RBMS3: variants seen among roughly 807,000 people sequenced by gnomAD.
RBMS3 encodes RNA-binding motif, single-stranded-interacting protein 3.
A neutral mutation model predicts 66.8 loss-of-function variants in RBMS3; 27 were observed. That is an observed-to-expected ratio of 0.40 (90% CI 0.30 to 0.56). The LOEUF is 0.56. Ranked by LOEUF, RBMS3 falls within the 20% of genes least tolerant of loss-of-function variation. The probability of loss-of-function intolerance (pLI) is 0.40; values close to 1 mark genes in which losing one functional copy is unlikely to be tolerated. For missense variants in RBMS3, 513 were observed against 549.5 expected (o/e 0.93, Z 0.66); for synonymous variants, 188 against 183.0 (o/e 1.03, Z -0.22).
At chr3:29,312,058 T>C (rs998356358) in intron 1 of RBMS3, among the ~76,000 whole-genome samples, 6 of 151,720 alleles carry the variant, frequency 4.0e-5, no homozygotes, top group African/African-American at 1.5e-4. Context: ...ATCTGCATGG[T>C]AGAGAGGCCT....
At chr3:29,524,574 C>T (rs538502706) in intron 3 of RBMS3, among the ~76,000 whole-genome samples, 8 of 151,332 alleles carry the variant, frequency 5.3e-5, no homozygotes, top group Admixed American at 2.6e-4. Flanking sequence ...ATTACAGGTG[C>T]GAACCACTGC....
intron 1 of RBMS3, among the ~76,000 whole-genome samples, chr3:29,301,358 A>G (rs543653346): frequency 6.6e-6 from 1 of 152,140 alleles, no homozygotes; most frequent in South Asian, 2.1e-4. Flanking sequence ...CTTCAACATC[A>G]TGAGGATTGT....
intron 1 of RBMS3, among the ~76,000 whole-genome samples, chr3:29,353,831 A>G (rs181217906): frequency 6.4e-4 from 97 of 152,250 alleles, no homozygotes; most frequent in African/African-American, 2.2e-3. Context: ...TTTAACACAT[A>G]TGCAGTTTCT....
chr3:29,591,357 C>T (rs2047731337), intron 4 of RBMS3, among the ~76,000 whole-genome samples: 1 of 152,086 alleles, frequency 6.6e-6, no homozygotes, highest in South Asian at 2.1e-4. Context: ...GTCTGAATTC[C>T]CGCAATGTAG....
intron 7 of RBMS3, among the ~76,000 whole-genome samples, chr3:29,879,089 C>G (rs1214179000): frequency 3.4e-5 from 5 of 145,212 alleles, no homozygotes; most frequent in Admixed American, 2.7e-4. Flanking sequence ...GCATGAAAGG[C>G]AAAAAAAAAA....
At chr3:29,506,661 G>T (rs1396426567) in intron 3 of RBMS3, among the ~76,000 whole-genome samples, 1 of 151,754 alleles carries the variant, frequency 6.6e-6, no homozygotes, top group African/African-American at 2.4e-5. Flanking sequence ...TATTAGTATC[G>T]GTTCTTCTTT....
At position 29,990,564 on chromosome 3, in the gene RBMS3, A is replaced by G. The variant is rs149405361; in HGVS notation, c.1180-518A>G. On this transcript the variant is annotated intron_variant, in intron 13 of 14. Transcript: ENST00000383767. ...AAAACTTCTTGATGACTTTCAGTTC[A>G]TATACCAGAAAACAAAACAAATCAA... is the stretch of plus-strand genomic sequence containing the variant. Among the ~76,000 whole-genome samples, 108 of 152,212 alleles carry G rather than the reference A, an allele frequency of 7.1e-4. 1 individual carries two copies. Among genetic ancestry groups the G allele is most frequent in the African/African-American group, 2.6e-3 (106 of 41,532 alleles).
intron 3 of RBMS3, among the ~76,000 whole-genome samples, chr3:29,533,813 A>C (rs1042948505): frequency 6.6e-6 from 1 of 152,178 alleles, no homozygotes; most frequent in Non-Finnish European, 1.5e-5. Flanking sequence ...TTTGGAGTTT[A>C]TACTTCACTC....
At chr3:29,526,512 C>T (rs1330508753) in intron 3 of RBMS3, among the ~76,000 whole-genome samples, 16 of 92,698 alleles carry the variant, frequency 1.7e-4, no homozygotes, top group East Asian at 3.3e-4. Context: ...CAGAGCGAGA[C>T]TCCATCTCAA....
At chr3:29,483,695 A>C (rs1462437441) in intron 2 of RBMS3, among the ~76,000 whole-genome samples, 1 of 152,226 alleles carries the variant, frequency 6.6e-6, no homozygotes, top group Non-Finnish European at 1.5e-5. Context: ...GTAGTAATAC[A>C]CTGACGTGAA....
intron 10 of RBMS3, among the ~76,000 whole-genome samples, chr3:29,904,751 G>A (rs2060335584): frequency 6.6e-6 from 1 of 151,934 alleles, no homozygotes; most frequent in Non-Finnish European, 1.5e-5. Context: ...TGTTAATGTG[G>A]TAAATGTCTC....
intron 2 of RBMS3, among the ~76,000 whole-genome samples, chr3:29,465,131 A>G (rs78541133): frequency 0.1 from 15,968 of 152,270 alleles, 1,011 homozygotes; most frequent in Non-Finnish European, 0.14. Flanking sequence ...AGTATCCACA[A>G]TGAACGATGA....
At chr3:29,818,132 T>G (rs2057967847) in intron 6 of RBMS3, among the ~76,000 whole-genome samples, 1 of 152,170 alleles carries the variant, frequency 6.6e-6, no homozygotes, top group Non-Finnish European at 1.5e-5. Flanking sequence ...GACATTGTGT[T>G]GTCTAAATGA....
chr3:29,977,129 T>C (rs111856722), intron 12 of RBMS3, among the ~76,000 whole-genome samples: 1,647 of 152,206 alleles, frequency 0.011, 28 homozygotes, highest in African/African-American at 0.038. Context: ...TGAAAAACTC[T>C]CCTTTCTGAA....
chr3:29,497,137 G>T lies in RBMS3; in HGVS notation c.307+8638G>T, dbSNP rs189362451. ...TGATTCTCCTGCCTTAGCCTCTCAG[G>T]TAGCTGGGACTACAGGCGCATTCTA... On this transcript the variant is annotated intron_variant, in intron 3 of 14. Transcript: ENST00000383767. 4.1e-4 allele frequency among the ~76,000 whole-genome samples: 63 copies of T among 152,098 alleles called. No individual in the cohort carries two copies. In the East Asian group the frequency reaches 0.011, roughly 27 times the overall value.
chr3:29,682,685 C>T (rs1398503135), intron 4 of RBMS3, among the ~76,000 whole-genome samples: 1 of 152,134 alleles, frequency 6.6e-6, no homozygotes, highest in African/African-American at 2.4e-5. Context: ...GCCAGAAGGG[C>T]ACAGAGTACC....
intron 1 of RBMS3, among the ~76,000 whole-genome samples, chr3:29,341,521 A>G (rs1458725755): frequency 6.6e-6 from 1 of 152,070 alleles, no homozygotes; most frequent in African/African-American, 2.4e-5. Flanking sequence ...TTTTTATATT[A>G]AGTAATATAA....
At chr3:29,720,438 G>T (rs894686060) in intron 4 of RBMS3, among the ~76,000 whole-genome samples, 1 of 152,088 alleles carries the variant, frequency 6.6e-6, no homozygotes, top group African/African-American at 2.4e-5. Flanking sequence ...CCCTATGGTA[G>T]TAGTAGTATT....
At chr3:29,302,525 A>G (rs28405628) in intron 1 of RBMS3, among the ~76,000 whole-genome samples, 14,691 of 151,980 alleles carry the variant, frequency 0.097, 810 homozygotes, top group East Asian at 0.17. Flanking sequence ...TGGAAAAAAA[A>G]TATATATGTA....
Sources: gnomAD v4.1 joint callset for allele counts (sites outside exome capture counted in the v4.1 genomes callset) on GRCh38, gnomAD v4.1.1 for gene constraint, MANE v1.5 for transcripts, NCBI Gene and HGNC (gene_info 2026-07-23, HGNC 2026-07-21) for gene names.